Variants in FHIP1B observed in about 807,000 individuals in gnomAD.
The protein encoded by FHIP1B is FHF complex subunit HOOK interacting protein 1B.
FHIP1B carries 28 observed loss-of-function variants against 82.2 expected under a neutral mutation model. The observed-to-expected ratio is 0.34, with a 90% CI of 0.25 to 0.47. The LOEUF is 0.47. FHIP1B is among the 20% of genes least tolerant of loss of function. FHIP1B has a pLI of 1.00. For synonymous variants in FHIP1B, 585 were observed against 516.1 expected (o/e 1.13, Z -1.81); for missense variants, 1,110 against 1,262.6 (o/e 0.88, Z 1.83).
At chr11:6,214,698 G>A (rs748346187) in intron 10 of FHIP1B, 35 bp downstream of exon 10, 10 of 1,548,534 alleles carry the variant, frequency 6.5e-6, no homozygotes, top group African/African-American at 2.7e-5. Flanking sequence ...CCACCACGGA[G>A]CCTGGACGCA....
chr11:6,223,071 C>T lies in FHIP1B; in HGVS notation c.936+9G>A. 1 of 1,575,928 alleles carries T rather than the reference C, an allele frequency of 6.3e-7. No individual in the cohort carries two copies. The highest frequency in any genetic ancestry group is 8.6e-7 in the Non-Finnish European group (1 of 1,162,340). The stretch of plus-strand genomic sequence containing the variant: ...CAAAAATGACCAAGGGCCAGACTTT[C>T]AGTCCTACCTGAATTACTGCATTGC... On this transcript the variant is annotated intron_variant, in intron 4 of 11. Coordinates refer to ENST00000449352, the MANE Select transcript of FHIP1B (RefSeq NM_001098794.2). The surrounding 1 kb of genome is among the most constrained non-coding windows in gnomAD (Gnocchi z 4.8).
chr11:6,216,462 T>C (rs1847229086), intron 9 of FHIP1B: 1 of 153,032 alleles, frequency 6.5e-6, no homozygotes, highest in Non-Finnish European at 1.5e-5. Flanking sequence ...ATGGCAGAGA[T>C]GGGAGGCTAA....
chr11:6,230,609 G>A (rs925069046), intron 1 of FHIP1B, among the ~76,000 whole-genome samples: 5 of 152,164 alleles, frequency 3.3e-5, no homozygotes, highest in African/African-American at 7.2e-5. Context: ...GCTTCTTGCA[G>A]GGATCTCCTC....
intron 9 of FHIP1B, among the ~76,000 whole-genome samples, chr11:6,215,996 G>T (rs543650063): frequency 6.6e-6 from 1 of 152,072 alleles, no homozygotes; most frequent in Non-Finnish European, 1.5e-5. Flanking sequence ...CCATAATTTT[G>T]TCCTGTTCCT....
At chr11:6,216,654 CG>C (rs1221982980) in intron 9 of FHIP1B, 2 of 169,270 alleles carry the variant, frequency 1.2e-5, no homozygotes, top group African/African-American at 2.4e-5. Flanking sequence ...CCACTCAGAT[CG>C]AGTCTAGCTC....
intron 1 of FHIP1B, among the ~76,000 whole-genome samples, chr11:6,226,233 T>C (rs953522159): frequency 6.6e-5 from 10 of 152,224 alleles, no homozygotes; most frequent in Admixed American, 4.6e-4. Flanking sequence ...GTAGCCACTA[T>C]GTTTAAGCAA....
In FHIP1B at chr11:6,218,688, T is replaced by C. The variant is rs762522136; in HGVS notation, c.1347A>G (p.Ala449=). 3.7e-6 allele frequency: 6 copies of C among 1,614,136 alleles called. No individual in the cohort carries two copies. In the South Asian group the frequency reaches 5.5e-5, roughly 15 times the overall value. ...GGATTAGGGAGAGAAACTTGTCAGC[T>C]GCTCGTCCATATAGGTCCACATCAC... The part of the protein sequence containing the change: ...AVRDVDLYGR[A]ADKFLSLIPR... Residue 449 remains alanine (A), a synonymous_variant, in exon 8 of 12, where the codon GCA becomes GCG. Transcript: ENST00000449352.
Position 6,224,206 on chromosome 11 carries a change from C to T in FHIP1B, c.181G>A (p.Gly61Arg). The T allele has an allele frequency of 1.2e-6, 2 of 1,611,586 alleles. No individual in the cohort carries two copies. The highest frequency in any genetic ancestry group is 1.7e-6 in the Non-Finnish European group (2 of 1,178,598). ...LERQGPRAAP[G>R]GADDLSAVRN... is the part of the protein sequence containing the mutation. ...ACAGCACTGAGATCGTCTGCACCCC[C>T]AGGAGCTGCCCGAGGGCCTTGCCGC... The change falls in exon 3 of 12, where the codon GGG becomes AGG. Residue 61 changes from glycine to arginine, a missense_variant. Transcript: ENST00000449352.
intron 1 of FHIP1B, among the ~76,000 whole-genome samples, chr11:6,230,987 A>G (rs1301344724): frequency 1.3e-5 from 2 of 152,260 alleles, no homozygotes; most frequent in Non-Finnish European, 2.9e-5. Flanking sequence ...GTTGTCCTAC[A>G]GGACACAAAG....
rs187618714 is a variant in FHIP1B, at chr11:6,214,635, C to T, written c.2395-62G>A. 3.4e-4 allele frequency: 525 copies of T among 1,556,952 alleles called. 2 individuals carry two copies. In the Middle Eastern group the frequency reaches 3.8e-3, roughly 11 times the overall value. ...CTAGACTGATACAGTCCTTTCTAGT[C>T]CCACTGGGCCTGTTCCCAGCCCACC... On this transcript the variant is annotated intron_variant, in intron 10 of 11. Coordinates refer to ENST00000449352, the MANE Select transcript of FHIP1B (RefSeq NM_001098794.2).
chr11:6,226,710 T>C (rs908954166), intron 1 of FHIP1B, among the ~76,000 whole-genome samples: 34 of 152,178 alleles, frequency 2.2e-4, no homozygotes, highest in African/African-American at 7.0e-4. Context: ...ACAACATTAG[T>C]TGAAGGGTAA....
At position 6,224,581 on chromosome 11, in the gene FHIP1B, T is replaced by C; in HGVS notation, c.-65A>G. 6.6e-7 allele frequency: 1 copy of C among 1,513,460 alleles called. No individual in the cohort carries two copies. The highest frequency in any genetic ancestry group is 2.2e-5 in the Admixed American group (1 of 45,718). 93.8% of individuals were successfully genotyped at this position (1,513,460 alleles called of 1,614,324 possible). On this transcript the variant is annotated 5_prime_UTR_variant, in exon 2 of 12. Transcript: ENST00000449352. ...TCTGAGGATTTGCCAGCTGGAGGTTTTCTCCACTTGTGTCTCCAGTCTGCT... is the reference window on the plus strand; with the variant it reads ...TCTGAGGATTTGCCAGCTGGAGGTTCTCTCCACTTGTGTCTCCAGTCTGCT...
At chr11:6,217,284 T>C (rs1355927611) in intron 9 of FHIP1B, 87 bp downstream of exon 9, 1 of 1,245,970 alleles carries the variant, frequency 8.0e-7, no homozygotes, top group Non-Finnish European at 1.2e-6. Flanking sequence ...AGAAATGACA[T>C]GGCCAAGAGG....
In FHIP1B at chr11:6,223,274, C is replaced by A; in HGVS notation, c.778-36G>T. ...TTACCAAAAGCTCATATATAAAATA[C>A]ATTTATAAAATATAAAAACTGGAAC... On this transcript the variant is annotated intron_variant, in intron 3 of 11. Coordinates refer to ENST00000449352, the MANE Select transcript of FHIP1B (RefSeq NM_001098794.2). The surrounding 1 kb of genome is among the most constrained non-coding windows in gnomAD (Gnocchi z 4.8). The A allele has an allele frequency of 6.4e-7, 1 of 1,566,118 alleles. No homozygotes were observed. Among genetic ancestry groups the A allele is most frequent in the Non-Finnish European group, 8.6e-7 (1 of 1,161,928 alleles).
Position 6,223,962 on chromosome 11 carries a change from C to T in FHIP1B, c.425G>A (p.Arg142His). ...KLFEMLVSEARQPLLRHGPVR... is the reference protein window; with the variant it reads ...KLFEMLVSEAHQPLLRHGPVR... ...TGGACCATGCCGCAACAGTGGCTGG[C>T]GAGCTTCGCTCACTAGCATTTCAAA... The change falls in exon 3 of 12, where the codon CGC becomes CAC. Residue 142 changes from arginine (R) to histidine (H), a missense_variant. By Grantham distance (29) the Arg-to-His change is conservative (BLOSUM62 0). Transcript: ENST00000449352. The surrounding 1 kb of genome is among the most constrained non-coding windows in gnomAD (Gnocchi z 4.8). 2.5e-6 allele frequency: 4 copies of T among 1,610,754 alleles called. No homozygotes were observed. Among genetic ancestry groups the T allele is most frequent in the Non-Finnish European group, 3.4e-6 (4 of 1,179,352 alleles).
At chr11:6,219,814 C>T (rs778737017) in intron 6 of FHIP1B, among the ~76,000 whole-genome samples, 4 of 152,196 alleles carry the variant, frequency 2.6e-5, no homozygotes, top group Non-Finnish European at 5.9e-5. Context: ...CTGAAGACAA[C>T]GAATGGGTCT....
intron 9 of FHIP1B, chr11:6,216,992 C>A: frequency 3.0e-6 from 2 of 662,194 alleles, no homozygotes; most frequent in Non-Finnish European, 5.5e-6. Flanking sequence ...CCTCTCCATA[C>A]AGGACAGCAC....
At position 6,214,769 on chromosome 11, in the gene FHIP1B, G is replaced by A; in HGVS notation, c.2358C>T (p.Asn786=). 6.2e-7 allele frequency: 1 copy of A among 1,601,908 alleles called. No individual in the cohort carries two copies. Among genetic ancestry groups the A allele is most frequent in the South Asian group, 1.1e-5 (1 of 89,610 alleles). ...ACTTGACACTGGGCTGGAAGACCAT[G>A]TTGGTGTTGAGCAGGAAAGAGCGGA... ...PLLRSFLLNT[N]MVFQPSVKSL... Residue 786 remains asparagine, a synonymous_variant, in exon 10 of 12, where the codon AAC becomes AAT. Transcript: ENST00000449352.
chr11:6,231,702 G>A (rs1401229736), intron 1 of FHIP1B, among the ~76,000 whole-genome samples: 7 of 151,924 alleles, frequency 4.6e-5, no homozygotes. Context: ...GTAGAGGCAG[G>A]GTTTCAAAAT....
Sources: allele counts gnomAD v4.1 joint callset (sites outside exome capture counted in the v4.1 genomes callset), GRCh38; gene constraint gnomAD v4.1.1; non-coding constraint Gnocchi (gnomAD v3.1); transcripts MANE v1.5; gene names NCBI Gene and HGNC (gene_info 2026-07-23, HGNC 2026-07-21).